The following ARVCF variants were observed in gnomAD, a reference collection of about 807,000 sequenced individuals.
ARVCF encodes ARVCF delta catenin family member, also known as splicing regulator ARVCF.
A neutral mutation model predicts 90.9 loss-of-function variants in ARVCF; 66 were observed. The observed-to-expected ratio is 0.73, with a 90% CI of 0.60 to 0.89. The LOEUF (loss-of-function observed/expected upper bound fraction) is 0.89, where lower values mean the gene tolerates loss of function less well. Ranked by LOEUF, ARVCF falls within the 40% of genes least tolerant of loss-of-function variation. ARVCF has a pLI of 0.00. For synonymous variants in ARVCF, 653 were observed against 603.4 expected (o/e 1.08, Z -1.21); for missense variants, 1,469 against 1,382.3 (o/e 1.06, Z -1.00).
intron 1 of ARVCF, among the ~76,000 whole-genome samples, chr22:20,013,620 G>A (rs926246358): frequency 3.3e-5 from 5 of 152,184 alleles, no homozygotes; most frequent in South Asian, 2.1e-4. Flanking sequence ...TCAGCTCCCC[G>A]TTGCTCTGCC....
chr22:19,987,395 C>T lies in ARVCF; in HGVS notation c.210+3190G>A, dbSNP rs1943854895. 2.0e-5 allele frequency among the ~76,000 whole-genome samples: 3 copies of T among 149,612 alleles called. 1 individual carries two copies. Among genetic ancestry groups the T allele is most frequent in the South Asian group, 4.2e-4 (2 of 4,710 alleles). On this transcript the variant is annotated intron_variant, in intron 3 of 19. Transcript: ENST00000263207. ...CTGTCCCCCCACTTCCCACCACCTC[C>T]CCCCACCCACTGCCGGCCTGGACTT...
intron 2 of ARVCF, among the ~76,000 whole-genome samples, chr22:19,995,842 C>G (rs1944231536): frequency 6.6e-6 from 1 of 152,146 alleles, no homozygotes; most frequent in Admixed American, 6.5e-5. Flanking sequence ...TCCCATACCC[C>G]CTTTCCCCTC....
chr22:19,976,347 G>C (rs1223341944), intron 10 of ARVCF, among the ~76,000 whole-genome samples: 1 of 152,190 alleles, frequency 6.6e-6, no homozygotes, highest in Admixed American at 6.5e-5. Context: ...TCAGAAGGCA[G>C]CAGAGTGGAG....
chr22:19,986,946 G>A, intron 3 of ARVCF: 3 of 568,412 alleles, frequency 5.3e-6, no homozygotes, highest in East Asian at 3.5e-5. Flanking sequence ...AGCCAGGGGC[G>A]CAAGACAATA....
Position 19,990,575 on chromosome 22 carries a change from A to G in ARVCF, c.210+10T>C. 6.2e-7 allele frequency: 1 copy of G among 1,601,688 alleles called. No homozygotes were observed. The highest frequency in any genetic ancestry group is 8.5e-7 in the Non-Finnish European group (1 of 1,172,370). On this transcript the variant is annotated intron_variant, in intron 3 of 19. Transcript: ENST00000263207. ...CAATTTTCACCCTTCCCAAGTCACT[A>G]GGCTGTTACCTGGAGGACCAGCTGT... is the stretch of plus-strand genomic sequence containing the variant.
In ARVCF at chr22:19,974,972, T is replaced by A. The variant is rs898068762; in HGVS notation, c.1960+714A>T. Among the ~76,000 whole-genome samples, 4 of 152,188 alleles carry A rather than the reference T, an allele frequency of 2.6e-5. No individual in the cohort carries two copies. The Middle Eastern group carries it at 0.01, about 388-fold the overall frequency. ...CAGCCTGGCTTGGGTACTACCTCGA[T>A]CTCCCCTGTACCCACCCAGTGACAT... is the stretch of plus-strand genomic sequence containing the variant. On this transcript the variant is annotated intron_variant, in intron 11 of 19. Transcript: ENST00000263207.
At position 19,973,723 on chromosome 22, in the gene ARVCF, G is replaced by A. The variant is rs776769318; in HGVS notation, c.2159C>T (p.Ser720Phe). 5 of 1,609,650 alleles carry A rather than the reference G, an allele frequency of 3.1e-6. No homozygotes were observed. The highest frequency in any genetic ancestry group is 1.3e-5 in the African/African-American group (1 of 74,956). ...GGCGCGCACCACCTTGTCGGTCTCA[G>A]ACTGCAGCAGTTCCACAAGCACCGG... is the stretch of plus-strand genomic sequence containing the variant. The part of the protein sequence containing the change: ...GLPVLVELLQ[S>F]ETDKVVRAVA... Residue 720 changes from serine (S) to phenylalanine (F), a missense_variant, in exon 13 of 20, where the codon TCT (serine) becomes TTT (phenylalanine). Coordinates refer to ENST00000263207, the MANE Select transcript of ARVCF (RefSeq NM_001670.3).
Position 19,973,005 on chromosome 22 carries a change from G to A in ARVCF, c.2470C>T (p.His824Tyr), listed in dbSNP as rs368322530. Residue 824 changes from histidine (H) to tyrosine (Y), a missense_variant, in exon 15 of 20, where the codon CAC (histidine) becomes TAC (tyrosine). His to Tyr is a moderately conservative substitution (Grantham distance 83, BLOSUM62 2). Transcript: ENST00000263207. ...TAGCTCCACACTGTCTGCAGCACGT[G>A]TGACGCCGCCTTCGCTTCGCGTACC... The part of the protein sequence containing the change: ...QSVREAKAAS[H>Y]VLQTVWSYKE... 2 of 1,613,504 alleles carry A rather than the reference G, an allele frequency of 1.2e-6. No individual in the cohort carries two copies. Among genetic ancestry groups the A allele is most frequent in the Non-Finnish European group, 8.5e-7 (1 of 1,180,020 alleles).
chr22:19,998,834 G>A (rs1944347913), intron 2 of ARVCF, among the ~76,000 whole-genome samples: 1 of 152,190 alleles, frequency 6.6e-6, no homozygotes, highest in Non-Finnish European at 1.5e-5. Flanking sequence ...GGTGTGCCGA[G>A]AGGACTGGCC....
At chr22:20,008,613 T>A (rs1944717086) in intron 2 of ARVCF, among the ~76,000 whole-genome samples, 1 of 152,112 alleles carries the variant, frequency 6.6e-6, no homozygotes, top group Non-Finnish European at 1.5e-5. Context: ...GGTGTTTACA[T>A]CAGCCCCTGT....
chr22:19,980,594 T>G, intron 5 of ARVCF: 1 of 256,572 alleles, frequency 3.9e-6, no homozygotes, highest in East Asian at 7.3e-5. Context: ...CTCACCTCCC[T>G]TCCACAAAAC....
intron 2 of ARVCF, among the ~76,000 whole-genome samples, chr22:19,995,186 T>C (rs1334649573): frequency 6.6e-6 from 1 of 151,824 alleles, no homozygotes; most frequent in Non-Finnish European, 1.5e-5. Context: ...TAGGTGGTTA[T>C]ATAAGAAAAT....
chr22:19,983,868 C>T (rs9618724), intron 3 of ARVCF: 21,853 of 152,360 alleles, frequency 0.14, 1,703 homozygotes, highest in Middle Eastern at 0.2. Flanking sequence ...AACTGGCACG[C>T]TGCCAGGCAG....
chr22:19,980,510 TCACC>T (rs1943434050), intron 5 of ARVCF: 1 of 428,252 alleles, frequency 2.3e-6, no homozygotes, highest in Non-Finnish European at 4.0e-6. Flanking sequence ...CTCACTGCTG[TCACC>T]GGGCAGTTTC....
At chr22:19,998,457 C>T (rs544557223) in intron 2 of ARVCF, among the ~76,000 whole-genome samples, 119 of 152,118 alleles carry the variant, frequency 7.8e-4, no homozygotes, top group Non-Finnish European at 1.5e-3. Flanking sequence ...GTTTCGGAGC[C>T]AAGGAAGCTG....
rs1420539589 is a variant in ARVCF, at chr22:19,990,833, G to A, written c.-18-21C>T. 4 of 1,537,588 alleles carry A rather than the reference G, an allele frequency of 2.6e-6. No individual in the cohort carries two copies. The South Asian group carries it at 4.8e-5, about 18-fold the overall frequency. ...GCCAGCTGCAGGCAAAGCAGAGTAA[G>A]CTCAGTGGGGTGGGGCACAGCCTGG... On this transcript the variant is annotated intron_variant, in intron 2 of 19. Coordinates refer to ENST00000263207, the MANE Select transcript of ARVCF (RefSeq NM_001670.3).
chr22:19,974,451 A>C (rs1405106429), intron 11 of ARVCF, among the ~76,000 whole-genome samples: 1 of 152,092 alleles, frequency 6.6e-6, no homozygotes, highest in African/African-American at 2.4e-5. Flanking sequence ...GGCTCAAATC[A>C]GTTGGACCTG....
At position 19,972,016 on chromosome 22, in the gene ARVCF, G is replaced by A. The variant is rs200354896; in HGVS notation, c.2696-45C>T. Reference sequence around the variant, plus strand: ...GGGCATGAGGGGCGCTCTGAGGGAGGCCCTGTAGGAGCAGATCTCCCTCTC... The same window carrying A: ...GGGCATGAGGGGCGCTCTGAGGGAGACCCTGTAGGAGCAGATCTCCCTCTC... On this transcript the variant is annotated intron_variant, in intron 17 of 19. Transcript: ENST00000263207. 12 of 1,512,982 alleles carry A rather than the reference G, an allele frequency of 7.9e-6. No individual in the cohort carries two copies. The East Asian group carries it at 2.0e-4, about 26-fold the overall frequency. The allele number at this position is 1,512,982 out of a possible 1,614,324, so 93.7% of individuals were successfully genotyped here.
rs375789838 is a variant in ARVCF, at chr22:19,979,813, G to A, written c.1326C>T (p.Cys442=). Residue 442 remains cysteine, a synonymous_variant, in exon 6 of 20, where the codon TGC becomes TGT. Transcript: ENST00000263207. ...DTDNKAAIRD[C]GGVPALVRLL... is the part of the protein sequence containing the mutation. ...GGCGCACCAGGGCAGGCACACCACCGCAGTCCCGGATGGCGGCCTTGTTGT... is the reference window on the plus strand; with the variant it reads ...GGCGCACCAGGGCAGGCACACCACCACAGTCCCGGATGGCGGCCTTGTTGT... 3.2e-5 allele frequency: 51 copies of A among 1,608,878 alleles called. No individual in the cohort carries two copies. In the African/African-American group the frequency reaches 3.3e-4, roughly 11 times the overall value.
Sources: allele counts gnomAD v4.1 joint callset (sites outside exome capture counted in the v4.1 genomes callset), GRCh38; gene constraint gnomAD v4.1.1; transcripts MANE v1.5; gene names NCBI Gene and HGNC (gene_info 2026-07-23, HGNC 2026-07-21).